NCOA4: variants seen among roughly 807,000 people sequenced by gnomAD.
NCOA4 encodes the protein nuclear receptor coactivator 4, also known as 70 kDa AR-activator.
A neutral mutation model predicts 69.5 loss-of-function variants in NCOA4; 31 were observed. That is an observed-to-expected ratio of 0.45 (90% CI 0.34 to 0.60). NCOA4 has a LOEUF of 0.60. NCOA4 is among the 20% of genes least tolerant of loss of function. The probability of loss-of-function intolerance (pLI) is 0.02; values close to 1 mark genes in which losing one functional copy is unlikely to be tolerated. For missense variants in NCOA4, 600 were observed against 719.2 expected, an observed-to-expected ratio of 0.83 and a Z score of 1.90; for synonymous variants, 228 against 252.4, an observed-to-expected ratio of 0.90 and a Z score of 0.92.
Position 46,010,420 on chromosome 10 carries a change from G to A in NCOA4, c.1501C>T (p.Pro501Ser), listed in dbSNP as rs1466835450. Reference protein sequence around the residue: ...NSPLSEWLIRPPYKEGSPKEV... With the variant: ...NSPLSEWLIRSPYKEGSPKEV... ...TTGGGACTTCCTTCTTTGTATGGGGGCCTGATAAGCCACTCCGACAAGGGG... is the reference window on the plus strand; with the variant it reads ...TTGGGACTTCCTTCTTTGTATGGGGACCTGATAAGCCACTCCGACAAGGGG... Residue 501 changes from proline to serine, a missense_variant, in exon 8 of 10, where the codon CCC becomes TCC. Coordinates refer to ENST00000581486, the MANE Select transcript of NCOA4 (RefSeq NM_001145263.2). 5.0e-6 allele frequency: 8 copies of A among 1,614,000 alleles called. No homozygotes were observed. The highest frequency in any genetic ancestry group is 1.3e-5 in the African/African-American group (1 of 74,900).
At chr10:46,027,579 G>T in intron 1 of NCOA4, 2 of 1,109,204 alleles carry the variant, frequency 1.8e-6, no homozygotes, top group Non-Finnish European at 2.6e-6. Flanking sequence ...ATTTTAAAAG[G>T]ACTAAAAAGT....
rs908710053 is a variant in NCOA4 at position 46,016,546 on chromosome 10, C to T, written c.135G>A (p.Leu45=). 2.6e-6 allele frequency: 4 copies of T among 1,520,000 alleles called. No individual in the cohort carries two copies. The highest frequency in any genetic ancestry group is 3.6e-6 in the Non-Finnish European group (4 of 1,124,476). The allele number at this position is 1,520,000 out of a possible 1,614,324, so 94.2% of individuals were successfully genotyped here. Residue 45 remains leucine, a synonymous_variant, in exon 2 of 10, where the codon TTG becomes TTA. Transcript: ENST00000581486. ...LRAEQQIKDN[L]REVKAQIHSC... ...AGAAAAGCACATGTCACACCTCTCG[C>T]AAGTTATCTTTAATTTGCTGTTCAG...
intron 1 of NCOA4, among the ~76,000 whole-genome samples, chr10:46,023,892 G>C (rs1219740077): frequency 1.3e-5 from 2 of 152,204 alleles, no homozygotes; most frequent in Non-Finnish European, 2.9e-5. Context: ...CAGGCCAAAA[G>C]ATGAAATCTA....
intron 5 of NCOA4, among the ~76,000 whole-genome samples, chr10:46,013,880 C>T (rs1222911139): frequency 6.6e-6 from 1 of 152,050 alleles, no homozygotes; most frequent in Non-Finnish European, 1.5e-5. Context: ...CCAAACGTTT[C>T]GTTCTTTATT....
chr10:46,015,125 C>T lies in NCOA4; in HGVS notation c.282+1G>A. On this transcript the variant is annotated splice_donor_variant, in intron 3 of 9. Coordinates refer to ENST00000581486, the MANE Select transcript of NCOA4 (RefSeq NM_001145263.2). LOFTEE classifies it high-confidence loss of function. Reference sequence around the variant, plus strand: ...CAATTCTAGCCATGCAGTCACCTTACCGAGTAGAGCTGCTGAGCCTGCTGT... The same window carrying T: ...CAATTCTAGCCATGCAGTCACCTTATCGAGTAGAGCTGCTGAGCCTGCTGT... The T allele has an allele frequency of 6.2e-7, 1 of 1,614,192 alleles. No individual in the cohort carries two copies. The highest frequency in any genetic ancestry group is 8.5e-7 in the Non-Finnish European group (1 of 1,180,038).
intron 2 of NCOA4, 150 bp downstream of exon 2, chr10:46,016,390 G>T: frequency 5.3e-6 from 3 of 569,636 alleles, no homozygotes; most frequent in Non-Finnish European, 8.4e-6. Flanking sequence ...AAAGGCACCA[G>T]TATATCAGGC....
chr10:46,022,038 C>A (rs1839900427), intron 1 of NCOA4, among the ~76,000 whole-genome samples: 1 of 152,114 alleles, frequency 6.6e-6, no homozygotes. Context: ...CTGCCAAATA[C>A]CAATGCAAAT....
chr10:46,029,487 G>A (rs1840341637), intron 1 of NCOA4, among the ~76,000 whole-genome samples: 1 of 152,104 alleles, frequency 6.6e-6, no homozygotes, highest in South Asian at 2.1e-4. Context: ...GTATAAAAAT[G>A]GGCCAACTAT....
rs71026286 is a variant in NCOA4, at chr10:46,012,070, G to GAAAAAAAAAAAAAAAAAAAA, written c.714+793_714+812dup. On this transcript the variant is annotated intron_variant, in intron 7 of 9. Transcript: ENST00000581486. ...AGCAAGACTCGGTCTCAAAAAGAAA[G>GAAAAAAAAAAAAAAAAAAAA]AAAAAAAAAAAAAAAAAAAAAAAAA... Among the ~76,000 whole-genome samples the GAAAAAAAAAAAAAAAAAAAA allele has an allele frequency of 2.4e-3, 107 of 44,530 alleles. 18 individuals carry two copies. The highest frequency in any genetic ancestry group is 3.3e-3 in the Non-Finnish European group (80 of 24,394). The allele number at this position is 44,530 out of a possible 152,430, so 29.2% of individuals were successfully genotyped here.
intron 1 of NCOA4, among the ~76,000 whole-genome samples, chr10:46,026,006 A>G (rs1554925464): frequency 6.6e-6 from 1 of 152,216 alleles, no homozygotes; most frequent in South Asian, 2.1e-4. Flanking sequence ...CAATTGTACA[A>G]TGCTTCACCC....
intron 1 of NCOA4, among the ~76,000 whole-genome samples, chr10:46,028,252 C>A (rs1840265076): frequency 6.6e-6 from 1 of 152,168 alleles, no homozygotes; most frequent in South Asian, 2.1e-4. Context: ...TGCCTCCAAT[C>A]CCCCTTAATA....
intron 1 of NCOA4, chr10:46,022,397 C>A: frequency 2.2e-6 from 1 of 450,110 alleles, no homozygotes; most frequent in Non-Finnish European, 4.5e-6. Flanking sequence ...AAATATTTTG[C>A]AATTTTACCT....
intron 2 of NCOA4, 91 bp downstream of exon 2, chr10:46,016,449 T>G: frequency 8.2e-7 from 1 of 1,225,396 alleles, no homozygotes; most frequent in Non-Finnish European, 1.1e-6. Context: ...TGAAATTTTT[T>G]GCTGGCACGG....
rs1272555531 is a variant in NCOA4 at position 46,030,594 on chromosome 10, C to T, written c.-83G>A. 6.6e-6 allele frequency: 1 copy of T among 152,318 alleles called. No homozygotes were observed. The highest frequency in any genetic ancestry group is 6.5e-5 in the Admixed American group (1 of 15,282). 9.4% of individuals were successfully genotyped at this position (152,318 alleles called of 1,614,324 possible). On this transcript the variant is annotated 5_prime_UTR_variant, in exon 1 of 10. Transcript: ENST00000581486. Reference sequence around the variant, plus strand: ...GGACTGAGACACGGCCCCACACTAACCTACGGCCCAAAGGCAGAGTTCTCG... The same window carrying T: ...GGACTGAGACACGGCCCCACACTAATCTACGGCCCAAAGGCAGAGTTCTCG...
chr10:46,018,117 A>G (rs1413679032), intron 1 of NCOA4, among the ~76,000 whole-genome samples: 4 of 152,252 alleles, frequency 2.6e-5, no homozygotes, highest in African/African-American at 9.6e-5. Flanking sequence ...CAAAATACTC[A>G]AAGGATGACA....
rs782736775 is a variant in NCOA4 at position 46,014,969 on chromosome 10, C to T, written c.283-27G>A. ...TAAAAGAAAAATGAAACCAACTAGC[C>T]ACAATGACACCAAAAGCACCAGATA... On this transcript the variant is annotated intron_variant, in intron 3 of 9. Coordinates refer to ENST00000581486, the MANE Select transcript of NCOA4 (RefSeq NM_001145263.2). 4.4e-6 allele frequency: 7 copies of T among 1,601,340 alleles called. No individual in the cohort carries two copies. In the Admixed American group the frequency reaches 5.0e-5, roughly 12 times the overall value.
chr10:46,022,563 C>T (rs1554924676), intron 1 of NCOA4: 3 of 417,566 alleles, frequency 7.2e-6, no homozygotes, highest in East Asian at 7.2e-5. Flanking sequence ...CGGCTTCATA[C>T]CATTCTCCTG....
At chr10:46,028,344 C>A (rs1397132696) in intron 1 of NCOA4, among the ~76,000 whole-genome samples, 1 of 152,122 alleles carries the variant, frequency 6.6e-6, no homozygotes, top group Non-Finnish European at 1.5e-5. Context: ...AGAAAACATA[C>A]TAGAAGGTAA....
chr10:46,006,656 C>CG, intron 9 of NCOA4, 59 bp from the exon 10 acceptor site: 1 of 1,568,796 alleles, frequency 6.4e-7, no homozygotes, highest in Non-Finnish European at 8.8e-7. Flanking sequence ...AGCAAATTTT[C>CG]CCTGCCTTAA....
Sources: gnomAD v4.1 joint callset for allele counts (sites outside exome capture counted in the v4.1 genomes callset) on GRCh38, gnomAD v4.1.1 for gene constraint, MANE v1.5 for transcripts, NCBI Gene and HGNC (gene_info 2026-07-23, HGNC 2026-07-21) for gene names.